The following SLC44A1 variants were observed in gnomAD, a reference collection of about 807,000 sequenced individuals.
The protein encoded by SLC44A1 is solute carrier family 44 member 1, also known as choline transporter-like protein 1.
A neutral mutation model predicts 79.3 loss-of-function variants in SLC44A1; 26 were observed. The observed-to-expected ratio is 0.33, with a 90% CI of 0.24 to 0.46. The LOEUF is 0.46. Among genes scored for constraint, SLC44A1 ranks in the 20% least tolerant of loss-of-function variants. The probability of loss-of-function intolerance (pLI) is 1.00; values close to 1 mark genes in which losing one functional copy is unlikely to be tolerated. For synonymous variants in SLC44A1, 263 were observed against 286.2 expected (o/e 0.92, Z 0.82); for missense variants, 688 against 798.1 (o/e 0.86, Z 1.66).
chr9:105,291,898 G>A lies in SLC44A1; in HGVS notation c.37-7322G>A, dbSNP rs184176413. Among the ~76,000 whole-genome samples, 135 of 152,304 alleles carry A rather than the reference G, an allele frequency of 8.9e-4. 1 individual carries two copies. The highest frequency in any genetic ancestry group is 1.4e-3 in the Non-Finnish European group (98 of 68,032). ...TTGTCAGAAGGATACTCTTGATTGTGCGTAAATTTCTAAGCTTCAGTACTT... is the reference window on the plus strand; with the variant it reads ...TTGTCAGAAGGATACTCTTGATTGTACGTAAATTTCTAAGCTTCAGTACTT... On this transcript the variant is annotated intron_variant, in intron 1 of 15. Transcript: ENST00000374720.
In SLC44A1 at chr9:105,364,685, A is replaced by G; in HGVS notation, c.1218A>G (p.Thr406=). 5.0e-6 allele frequency: 8 copies of G among 1,614,026 alleles called. No individual in the cohort carries two copies. Among genetic ancestry groups the G allele is most frequent in the Non-Finnish European group, 5.9e-6 (7 of 1,179,980 alleles). The change falls in exon 10 of 16, where the codon ACA becomes ACG. Residue 406 remains threonine, a synonymous_variant. Coordinates refer to ENST00000374720, the MANE Select transcript of SLC44A1 (RefSeq NM_080546.5). ...TTATTCTAGCATGTCAGCAGATGAC[A>G]GTGGCAGGAGCTGTGGTAACATACT... ...SEFILACQQM[T]VAGAVVTYYF...
At chr9:105,365,787 C>T in intron 11 of SLC44A1, 148 bp downstream of exon 11, 1 of 756,220 alleles carries the variant, frequency 1.3e-6, no homozygotes. Flanking sequence ...TCCCTTGTCT[C>T]CCACTCATGC....
chr9:105,436,733 T>C (rs756090386), intron 15 of SLC44A1, among the ~76,000 whole-genome samples: 22 of 152,166 alleles, frequency 1.4e-4, no homozygotes, highest in Non-Finnish European at 3.2e-4. Flanking sequence ...GCCTGCCAAA[T>C]GGATTGAAGT....
intron 15 of SLC44A1, among the ~76,000 whole-genome samples, chr9:105,406,710 C>A (rs1829033608): frequency 6.6e-6 from 1 of 152,154 alleles, no homozygotes; most frequent in Non-Finnish European, 1.5e-5. Flanking sequence ...CCACTGCACT[C>A]CAGCCCGGGT....
rs147256290 is a variant in SLC44A1, at chr9:105,420,589, T to C, written c.1951-17692T>C. 5.3e-4 allele frequency among the ~76,000 whole-genome samples: 80 copies of C among 152,196 alleles called. No homozygotes were observed. In the Middle Eastern group the frequency reaches 0.014, roughly 26 times the overall value. The stretch of plus-strand genomic sequence containing the variant: ...CAAAATGGATGTTCTAGGCCGGGTA[T>C]GGTGGCTCACGCCTGTAATCTCAGC... On this transcript the variant is annotated intron_variant, in intron 15 of 15. Transcript: ENST00000374724.
chr9:105,406,453 G>A (rs1325707652), intron 15 of SLC44A1, among the ~76,000 whole-genome samples: 4 of 152,142 alleles, frequency 2.6e-5, no homozygotes, highest in African/African-American at 9.7e-5. Flanking sequence ...GAAATTAACA[G>A]AAACTGGCCA....
At chr9:105,357,868 T>G (rs1827667633) in intron 6 of SLC44A1, among the ~76,000 whole-genome samples, 1 of 152,236 alleles carries the variant, frequency 6.6e-6, no homozygotes, top group Non-Finnish European at 1.5e-5. Flanking sequence ...CCATTTAGCT[T>G]CTTGACTGAC....
intron 5 of SLC44A1, chr9:105,355,976 T>C (rs567609347): frequency 4.9e-5 from 25 of 505,246 alleles, no homozygotes; most frequent in Middle Eastern, 5.3e-4. Flanking sequence ...GGGCGGGTAA[T>C]GTCTTCTGTT....
chr9:105,380,277 C>A (rs1048774617), intron 13 of SLC44A1, among the ~76,000 whole-genome samples: 1 of 152,152 alleles, frequency 6.6e-6, no homozygotes, highest in Non-Finnish European at 1.5e-5. Context: ...TTCCTGCTTC[C>A]CACATCCTAC....
intron 2 of SLC44A1, chr9:105,300,079 T>C (rs970306719): frequency 1.1e-5 from 3 of 265,784 alleles, no homozygotes; most frequent in African/African-American, 6.9e-5. Flanking sequence ...AGCGGTCTGA[T>C]ATTTAGAAGT....
chr9:105,275,524 C>G (rs1488494759), intron 1 of SLC44A1, among the ~76,000 whole-genome samples: 3 of 152,142 alleles, frequency 2.0e-5, no homozygotes, highest in African/African-American at 7.2e-5. Flanking sequence ...TGGAGGTAAA[C>G]ACAGACAATG....
At chr9:105,300,049 T>G (rs1830836788) in intron 2 of SLC44A1, 1 of 495,226 alleles carries the variant, frequency 2.0e-6, no homozygotes, top group African/African-American at 2.1e-5. Flanking sequence ...GGAAAAAACA[T>G]AGAAAACTGC....
At position 105,427,547 on chromosome 9, in the gene SLC44A1, T is replaced by C. The variant is rs1032354333; in HGVS notation, c.1951-10734T>C. Among the ~76,000 whole-genome samples, 4 of 152,158 alleles carry C rather than the reference T, an allele frequency of 2.6e-5. No homozygotes were observed. In the East Asian group the frequency reaches 7.7e-4, roughly 29 times the overall value. On this transcript the variant is annotated intron_variant, in intron 15 of 15. Transcript: ENST00000374724. ...GCCTCAGCCTCCCAAAATGCCAGGATTCAGGGGTGAGCCACTGCACCCGGC... is the reference window on the plus strand; with the variant it reads ...GCCTCAGCCTCCCAAAATGCCAGGACTCAGGGGTGAGCCACTGCACCCGGC...
chr9:105,372,158 G>A (rs1484300497), intron 12 of SLC44A1, among the ~76,000 whole-genome samples: 1 of 152,182 alleles, frequency 6.6e-6, no homozygotes, highest in Non-Finnish European at 1.5e-5. Context: ...ATTTCTTTAA[G>A]ATGTTCTGTA....
intron 15 of SLC44A1, among the ~76,000 whole-genome samples, chr9:105,413,525 A>G (rs1355212311): frequency 6.6e-6 from 1 of 152,264 alleles, no homozygotes; most frequent in Non-Finnish European, 1.5e-5. Context: ...CAAAGATGGC[A>G]GAACCAAAAG....
At position 105,289,813 on chromosome 9, in the gene SLC44A1, T is replaced by G. The variant is rs559211898; in HGVS notation, c.37-9407T>G. The stretch of plus-strand genomic sequence containing the variant: ...AGTCAGTTCTCAGTGTTTTTTTTTG[T>G]TTTTTTTTTTGTTTTTTTGAGATGG... On this transcript the variant is annotated intron_variant, in intron 1 of 15. Transcript: ENST00000374720. Among the ~76,000 whole-genome samples, 39 of 124,828 alleles carry G rather than the reference T, an allele frequency of 3.1e-4. 1 individual carries two copies. In the South Asian group the frequency reaches 7.8e-3, roughly 25 times the overall value. The allele number at this position is 124,828 out of a possible 152,430, so 81.9% of individuals were successfully genotyped here. A position where few individuals can be genotyped will look rare whatever the true frequency, so the allele number is the denominator to read the frequency against.
chr9:105,308,266 A>G lies in SLC44A1; in HGVS notation c.127-1458A>G, dbSNP rs1333052151. 5.9e-5 allele frequency among the ~76,000 whole-genome samples: 9 copies of G among 152,356 alleles called. 1 individual carries two copies. In the Middle Eastern group the frequency reaches 0.01, roughly 173 times the overall value. The stretch of plus-strand genomic sequence containing the variant: ...TTTCTAATAATAGTACCTAACAACT[A>G]TAATAGCTAAGACTTTATTGAGCTC... On this transcript the variant is annotated intron_variant, in intron 2 of 15. Transcript: ENST00000374720.
intron 2 of SLC44A1, among the ~76,000 whole-genome samples, chr9:105,308,224 CT>C (rs1367376654): frequency 1.3e-5 from 2 of 152,202 alleles, no homozygotes; most frequent in Admixed American, 1.3e-4. Context: ...CCATCTTTCC[CT>C]TATAGCATAT....
At chr9:105,397,672 T>C (rs1969981), downstream of SLC44A1, among the ~76,000 whole-genome samples, 148,032 of 152,256 alleles carry the variant, frequency 0.97, 71,966 homozygotes, top group East Asian at 1. Flanking sequence ...GGGCCGGGCG[T>C]GGTGGCTCAC....
Sources: allele counts gnomAD v4.1 joint callset (sites outside exome capture counted in the v4.1 genomes callset), GRCh38; gene constraint gnomAD v4.1.1; transcripts MANE v1.5; gene names NCBI Gene and HGNC (gene_info 2026-07-23, HGNC 2026-07-21).